CUX1: variants seen among roughly 807,000 people sequenced by gnomAD.
The protein encoded by CUX1 is cut like homeobox 1.
Under a neutral mutation model 158.8 loss-of-function variants are expected in CUX1, and 31 were observed. The observed-to-expected ratio is 0.20, with a 90% confidence interval of 0.15 to 0.26. CUX1 has a LOEUF of 0.26. CUX1 is among the 10% of genes least tolerant of loss of function. CUX1 has a pLI of 1.00. For missense variants in CUX1, 1,589 were observed against 2,014.6 expected (o/e 0.79, Z 4.04); for synonymous variants, 879 against 862.1 (o/e 1.02, Z -0.34).
chr7:102,207,661 A>G (rs1796089640), intron 20 of CUX1, among the ~76,000 whole-genome samples: 1 of 152,114 alleles, frequency 6.6e-6, no homozygotes, highest in African/African-American at 2.4e-5. Context: ...CATGTTGGCC[A>G]GGCCGGTCTC....
intron 1 of CUX1, among the ~76,000 whole-genome samples, chr7:101,879,727 C>T (rs1799519377): frequency 6.6e-6 from 1 of 152,270 alleles, no homozygotes. Flanking sequence ...CCCCTGGGTG[C>T]CGTGCGGCCC....
At chr7:102,106,481 CAG>C (rs569103214) in intron 6 of CUX1, among the ~76,000 whole-genome samples, 1 of 152,102 alleles carries the variant, frequency 6.6e-6, no homozygotes, top group Non-Finnish European at 1.5e-5. Flanking sequence ...CTAGCTAAAA[CAG>C]GGCCTGGAGA....
chr7:102,251,180 TG>T lies in CUX1; in HGVS notation c.*2140del. 1 of 984,226 alleles carries T rather than the reference TG, an allele frequency of 1.0e-6. No homozygotes were observed. 61.0% of individuals were successfully genotyped at this position (984,226 alleles called of 1,614,324 possible). ...AACCTTTGTCTTAGGTCAACATCTT[TG>T]GATGACATTTTAATGGTGCATTCAT... On this transcript the variant is annotated 3_prime_UTR_variant, in exon 24 of 24. Transcript: ENST00000292535.
rs1811738650 is a variant in CUX1 at position 101,969,965 on chromosome 7, C to A, written c.141+53740C>A. On this transcript the variant is annotated intron_variant, in intron 2 of 23. Coordinates refer to ENST00000292535, the MANE Select transcript of CUX1 (RefSeq NM_181552.4). ...TCAATTCTGAAACCATCCTTGTCTT[C>A]TTGCCGGAGTTAGCACCAAAAAAAA... Among the ~76,000 whole-genome samples the A allele has an allele frequency of 2.6e-5, 3 of 114,144 alleles. No individual in the cohort carries two copies. The South Asian group carries it at 8.6e-4, about 33-fold the overall frequency. 74.9% of individuals were successfully genotyped at this position (114,144 alleles called of 152,430 possible).
At chr7:101,892,159 G>A (rs1203956333) in intron 1 of CUX1, among the ~76,000 whole-genome samples, 4 of 152,224 alleles carry the variant, frequency 2.6e-5, no homozygotes, top group African/African-American at 7.2e-5. Context: ...GCGGCAGGCT[G>A]AAGACAGTTG....
intron 11 of CUX1, among the ~76,000 whole-genome samples, chr7:102,182,061 T>G (rs1554514146): frequency 6.6e-6 from 1 of 152,226 alleles, no homozygotes; most frequent in East Asian, 1.9e-4. Context: ...CCCTCTTTCA[T>G]GTCTTACGGG....
Position 102,216,799 on chromosome 7 carries a change from CA to C in CUX1, c.3131-10567del, listed in dbSNP as rs1357197151. Among the ~76,000 whole-genome samples the C allele has an allele frequency of 1.4e-3, 71 of 50,612 alleles. No individual in the cohort carries two copies. The East Asian group carries it at 0.025, about 18-fold the overall frequency. The allele number at this position is 50,612 out of a possible 152,430, so 33.2% of individuals were successfully genotyped here. A position where few individuals can be genotyped will look rare whatever the true frequency, so the allele number is the denominator to read the frequency against. Reference sequence around the variant, plus strand: ...ACTCTCCCACACACACACTCTCCCACACACACCCCCACACACACTCTCCCAC... The same window carrying C: ...ACTCTCCCACACACACACTCTCCCACCACACCCCCACACACACTCTCCCAC... On this transcript the variant is annotated intron_variant, in intron 20 of 23. Coordinates refer to ENST00000292535, the MANE Select transcript of CUX1 (RefSeq NM_181552.4).
chr7:102,207,943 T>C (rs1796119038), intron 20 of CUX1, among the ~76,000 whole-genome samples: 1 of 152,128 alleles, frequency 6.6e-6, no homozygotes, highest in African/African-American at 2.4e-5. Context: ...ATCCAAGCAC[T>C]TTGGGAAGCC....
At chr7:101,952,552 A>G (rs1809209639) in intron 2 of CUX1, among the ~76,000 whole-genome samples, 1 of 152,190 alleles carries the variant, frequency 6.6e-6, no homozygotes, top group African/African-American at 2.4e-5. Context: ...CCTCATTCGC[A>G]GGGATCAGTG....
chr7:102,200,863 C>G (rs1248967415), intron 17 of CUX1, among the ~76,000 whole-genome samples: 1 of 151,346 alleles, frequency 6.6e-6, no homozygotes, highest in Non-Finnish European at 1.5e-5. Flanking sequence ...GAGACCTTGT[C>G]TCTTAAAACA....
chr7:102,248,548 G>T lies in CUX1; in HGVS notation c.4024G>T (p.Glu1342Ter). The T allele has an allele frequency of 6.7e-7, 1 of 1,502,366 alleles. No individual in the cohort carries two copies. 93.1% of individuals were successfully genotyped at this position (1,502,366 alleles called of 1,614,324 possible). A position where few individuals can be genotyped will look rare whatever the true frequency, so the allele number is the denominator to read the frequency against. ...SSEGDSCDGV[E>*]ATEGPGSADT... ...GGAGGGCGACAGCTGCGACGGCGTG[G>T]AGGCCACTGAGGGCCCAGGCAGCGC... The change falls in exon 24 of 24, where the codon GAG becomes TAG. Residue 1342 changes from glutamate (E) to a stop codon, truncating the protein, a stop_gained. Transcript: ENST00000292535. LOFTEE classifies it low-confidence loss of function (END_TRUNC). The surrounding 1 kb of genome is among the most constrained non-coding windows in gnomAD (Gnocchi z 5.8).
At chr7:102,102,909 C>T (rs2130967544) in intron 5 of CUX1, among the ~76,000 whole-genome samples, 2 of 150,224 alleles carry the variant, frequency 1.3e-5, no homozygotes, top group South Asian at 4.2e-4. Flanking sequence ...ACAAAGCATC[C>T]AGCATGCGGA....
chr7:102,269,679 C>T (rs1791076166), intron 14 of CUX1, among the ~76,000 whole-genome samples: 1 of 151,826 alleles, frequency 6.6e-6, no homozygotes. Flanking sequence ...CCGCCTCGGC[C>T]TCTCAAAGTG....
upstream of CUX1, chr7:101,816,981 C>G (rs1791894955): frequency 1.0e-6 from 1 of 984,042 alleles, no homozygotes; most frequent in African/African-American, 1.8e-5. Flanking sequence ...CTCGCGGCCG[C>G]CGCGCTCTTT....
At chr7:102,114,306 G>T (rs782267041) in intron 7 of CUX1, among the ~76,000 whole-genome samples, 1 of 151,896 alleles carries the variant, frequency 6.6e-6, no homozygotes, top group African/African-American at 2.4e-5. Flanking sequence ...AATGAGTCTC[G>T]CTCTGTCACC....
chr7:102,281,760 C>A, intron 20 of CUX1: 3 of 930,458 alleles, frequency 3.2e-6, no homozygotes, highest in Non-Finnish European at 3.5e-6. Flanking sequence ...CACCCTAGGG[C>A]CCTTTCTGTG....
chr7:101,836,606 C>T (rs1297180985), intron 1 of CUX1, among the ~76,000 whole-genome samples: 1 of 149,206 alleles, frequency 6.7e-6, no homozygotes, highest in Non-Finnish European at 1.5e-5. Context: ...CTTTGGGAGG[C>T]CAAGGCGGGT....
intron 14 of CUX1, among the ~76,000 whole-genome samples, chr7:102,266,794 C>T (rs914240728): frequency 6.6e-6 from 1 of 152,100 alleles, no homozygotes; most frequent in Admixed American, 6.5e-5. Context: ...TCATTAGGGA[C>T]CTTGGCAAGG....
intron 3 of CUX1, among the ~76,000 whole-genome samples, chr7:102,056,471 C>G (rs923878535): frequency 6.6e-6 from 1 of 152,180 alleles, no homozygotes; most frequent in African/African-American, 2.4e-5. Flanking sequence ...TGCCTGTGCA[C>G]TAGAAATGGA....
Sources: allele counts gnomAD v4.1 joint callset (sites outside exome capture counted in the v4.1 genomes callset), GRCh38; gene constraint gnomAD v4.1.1; non-coding constraint Gnocchi (gnomAD v3.1); transcripts MANE v1.5; gene names NCBI Gene and HGNC (gene_info 2026-07-23, HGNC 2026-07-21).